RPS20: variants seen among roughly 807,000 people sequenced by gnomAD.
RPS20 encodes the protein ribosomal protein S20.
In RPS20, 3 loss-of-function variants were observed where a neutral mutation model predicts 15.3. The observed-to-expected ratio is 0.20, with a 90% CI of 0.09 to 0.51. The LOEUF (loss-of-function observed/expected upper bound fraction) is 0.51. Among genes scored for constraint, RPS20 ranks in the 20% least tolerant of loss-of-function variants. The pLI, the probability that RPS20 is intolerant of heterozygous loss-of-function variation, is 0.96. For synonymous variants in RPS20, 62 were observed against 47.8 expected (o/e 1.30, Z -1.23); for missense variants, 67 against 145.9 (o/e 0.46, Z 2.79).
At chr8:56,068,876 G>T (rs920420666), downstream of RPS20, among the ~76,000 whole-genome samples, 3 of 114,672 alleles carry the variant, frequency 2.6e-5, no homozygotes, top group Non-Finnish European at 4.9e-5. Flanking sequence ...GCCCAGGCTG[G>T]AAACCCTTGC....
At chr8:56,073,531 A>C in intron 3 of RPS20, 164 bp downstream of exon 3, 1 of 677,112 alleles carries the variant, frequency 1.5e-6, no homozygotes, top group South Asian at 1.7e-5. Flanking sequence ...AATCATATCT[A>C]AACATTAGCT....
At chr8:56,067,491 C>A (rs1809644120) in exon 6 of RPS20, 1 of 152,096 alleles carries the variant, frequency 6.6e-6, no homozygotes, top group African/African-American at 2.4e-5. Flanking sequence ...GGAGACCATC[C>A]TCATTAACAT....
At position 56,073,284 on chromosome 8, in the gene RPS20, G is replaced by A. The variant is rs947836738; in HGVS notation, c.178-12C>T. On this transcript the variant is annotated splice_polypyrimidine_tract_variant and intron_variant, in intron 3 of 3. Coordinates refer to ENST00000009589, the MANE Select transcript of RPS20 (RefSeq NM_001023.4). ...GTGATTCTCAAAGTCTGTAACAAAA[G>A]ACAAAGGAAACCAAGTGTTTATCGT... 2.5e-5 allele frequency: 38 copies of A among 1,547,786 alleles called. No homozygotes were observed. The highest frequency in any genetic ancestry group is 9.5e-5 in the African/African-American group (7 of 73,894).
intron 3 of RPS20, 144 bp downstream of exon 3, chr8:56,073,551 G>A (rs28420596): frequency 4.1e-6 from 3 of 727,284 alleles, no homozygotes; most frequent in Admixed American, 2.2e-5. Flanking sequence ...TACTTACTAG[G>A]AACCGCAATC....
Position 56,074,437 on chromosome 8 carries a change from C to G in RPS20, c.-54G>C, listed in dbSNP as rs1047616165. On this transcript the variant is annotated 5_prime_UTR_variant, in exon 1 of 4. Transcript: ENST00000009589. ...CTTGTTCCTCGGCGAGAGCGAACAG[C>G]GGTGAGTCAGGAGCAGGAGCGTGCG... The G allele has an allele frequency of 4.5e-6, 7 of 1,542,770 alleles. No individual in the cohort carries two copies. Among genetic ancestry groups the G allele is most frequent in the Non-Finnish European group, 6.1e-6 (7 of 1,149,846 alleles).
chr8:56,067,302 G>A (rs1361850972), exon 6 of RPS20: 1 of 152,182 alleles, frequency 6.6e-6, no homozygotes, highest in African/African-American at 2.4e-5. Context: ...TAGCCAAGAG[G>A]TGGGAACAAT....
chr8:56,068,807 C>CTTTTTTTTTTTTTTTTTTTTTTT (rs61576194), downstream of RPS20, among the ~76,000 whole-genome samples: 3 of 27,692 alleles, frequency 1.1e-4, 1 homozygote, highest in African/African-American at 1.1e-4. Flanking sequence ...GTGAAAATAT[C>CTTTTTTTTTTTTTTTTTTTTTTT]TTTTTTTTTT....
In RPS20 at chr8:56,073,085, T is replaced by C; in HGVS notation, c.*5A>G. The C allele has an allele frequency of 1.3e-6, 2 of 1,589,938 alleles. No homozygotes were observed. Among genetic ancestry groups the C allele is most frequent in the African/African-American group, 1.3e-5 (1 of 74,608 alleles). The stretch of plus-strand genomic sequence containing the variant: ...ACTGGTCATCAATTTATTAAAATAG[T>C]TGACTTAAGCATCTGCAATGGTGAC... On this transcript the variant is annotated 3_prime_UTR_variant, in exon 4 of 4. Coordinates refer to ENST00000009589, the MANE Select transcript of RPS20 (RefSeq NM_001023.4).
At chr8:56,074,299 C>G (rs1486068493) in intron 1 of RPS20, 82 bp downstream of exon 1, 1 of 1,544,728 alleles carries the variant, frequency 6.5e-7, no homozygotes, top group Non-Finnish European at 8.7e-7. Context: ...GGCATCTGCC[C>G]TCAGGAGCAC....
chr8:56,071,946 G>C (rs1055111648), downstream of RPS20, among the ~76,000 whole-genome samples: 2 of 152,182 alleles, frequency 1.3e-5, no homozygotes, highest in Non-Finnish European at 1.5e-5. Flanking sequence ...GTATCTATCT[G>C]ATTTTAAATT....
chr8:56,073,905 G>T lies in RPS20; in HGVS notation c.104-137C>A, dbSNP rs375521153. ...AATAGGTACCTCCTCATCGCCAGCTGTATGACAGTAAAAGCAATTTTAAGC... is the reference window on the plus strand; with the variant it reads ...AATAGGTACCTCCTCATCGCCAGCTTTATGACAGTAAAAGCAATTTTAAGC... On this transcript the variant is annotated intron_variant, in intron 2 of 3. Coordinates refer to ENST00000009589, the MANE Select transcript of RPS20 (RefSeq NM_001023.4). The T allele has an allele frequency of 5.5e-6, 6 of 1,085,032 alleles. No homozygotes were observed. In the East Asian group the frequency reaches 7.1e-5, roughly 13 times the overall value. The allele number at this position is 1,085,032 out of a possible 1,614,324, so 67.2% of individuals were successfully genotyped here. A position where few individuals can be genotyped will look rare whatever the true frequency, so the allele number is the denominator to read the frequency against.
rs145164279 is a variant in RPS20, at chr8:56,073,068, TC to T, written c.*21del. On this transcript the variant is annotated 3_prime_UTR_variant, in exon 4 of 4. Coordinates refer to ENST00000009589, the MANE Select transcript of RPS20 (RefSeq NM_001023.4). ...ACCAACAGAAGTTAACAACTGGTCATCAATTTATTAAAATAGTTGACTTAAG... is the reference window on the plus strand; with the variant it reads ...ACCAACAGAAGTTAACAACTGGTCATAATTTATTAAAATAGTTGACTTAAG... 19,659 of 1,587,442 alleles carry T rather than the reference TC, an allele frequency of 0.012. 128 individuals carry two copies. The highest frequency in any genetic ancestry group is 0.021 in the Middle Eastern group (94 of 4,398).
chr8:56,069,698 T>C, downstream of RPS20: 1 of 1,541,626 alleles, frequency 6.5e-7, no homozygotes. Flanking sequence ...TTTCTCCACT[T>C]ATACCTGCTT....
chr8:56,069,569 G>A (rs1328401553), downstream of RPS20: 3 of 662,316 alleles, frequency 4.5e-6, no homozygotes, highest in African/African-American at 3.6e-5. Flanking sequence ...AAAGTGCTGA[G>A]ATTACAGGTG....
chr8:56,072,765 C>A, downstream of RPS20: 1 of 589,028 alleles, frequency 1.7e-6, no homozygotes, highest in Non-Finnish European at 2.1e-6. Flanking sequence ...GCACTAGGTT[C>A]TCAACCATGG....
chr8:56,073,579 T>A (rs1323496074), intron 3 of RPS20, 116 bp downstream of exon 3: 3 of 821,904 alleles, frequency 3.7e-6, no homozygotes, highest in Non-Finnish European at 6.4e-6. Flanking sequence ...GATTTCTATG[T>A]GCGTTTGTAG....
downstream of RPS20, among the ~76,000 whole-genome samples, chr8:56,068,803 A>ATTTTTTTTTT (rs1563345604): frequency 1.1e-5 from 1 of 92,608 alleles, no homozygotes. Flanking sequence ...CTTGGTGAAA[A>ATTTTTTTTTT]TATCTTTTTT....
At chr8:56,072,909 CCA>C, downstream of RPS20, 2 of 1,355,716 alleles carry the variant, frequency 1.5e-6, no homozygotes, top group Non-Finnish European at 1.9e-6. Context: ...TTAACGGAAT[CCA>C]GTTTTCAAAT....
downstream of RPS20, chr8:56,068,455 T>C (rs1356400114): frequency 6.7e-6 from 1 of 149,986 alleles, no homozygotes; most frequent in Non-Finnish European, 1.5e-5. Flanking sequence ...CGAGAATCAC[T>C]TGAACCCAGG....
Sources: allele counts gnomAD v4.1 joint callset (sites outside exome capture counted in the v4.1 genomes callset), GRCh38; gene constraint gnomAD v4.1.1; transcripts MANE v1.5; gene names NCBI Gene and HGNC (gene_info 2026-07-23, HGNC 2026-07-21).